Variants in MBD5 observed in about 807,000 individuals in gnomAD.
The protein encoded by MBD5 is methyl-CpG binding domain protein 5.
MBD5 carries 13 observed loss-of-function variants against 117.3 expected under a neutral mutation model. That is an observed-to-expected ratio of 0.11 (90% CI 0.07 to 0.18). The LOEUF (loss-of-function observed/expected upper bound fraction) is 0.18, where lower values mean the gene tolerates loss of function less well. Ranked by LOEUF, MBD5 falls within the 10% of genes least tolerant of loss-of-function variation. The pLI is 1.00. For synonymous variants in MBD5, 727 were observed against 766.4 expected (o/e 0.95, Z 0.85); for missense variants, 1,879 against 2,093.8 (o/e 0.90, Z 2.00).
At chr2:148,163,678 G>T (rs1044196540) in intron 1 of MBD5, among the ~76,000 whole-genome samples, 1 of 152,154 alleles carries the variant, frequency 6.6e-6, no homozygotes, top group Non-Finnish European at 1.5e-5. Flanking sequence ...GCCTCCCAAA[G>T]TGCTGGGATT....
intron 3 of MBD5, among the ~76,000 whole-genome samples, chr2:148,260,102 A>G (rs907460638): frequency 6.6e-6 from 1 of 151,886 alleles, no homozygotes; most frequent in Non-Finnish European, 1.5e-5. Context: ...ACATTGGTCG[A>G]CTCTTCCCTT....
chr2:148,405,647 A>G (rs1456485781), intron 4 of MBD5, among the ~76,000 whole-genome samples: 2 of 152,196 alleles, frequency 1.3e-5, no homozygotes, highest in African/African-American at 4.8e-5. Context: ...TGAATCTTAG[A>G]TTATGTACCT....
intron 1 of MBD5, among the ~76,000 whole-genome samples, chr2:148,064,269 C>G (rs1646477092): frequency 6.6e-6 from 1 of 151,988 alleles, no homozygotes; most frequent in African/African-American, 2.4e-5. Flanking sequence ...GTGCCCGCCA[C>G]CACGCCCGGC....
chr2:148,133,943 A>G (rs1205230043), intron 1 of MBD5, among the ~76,000 whole-genome samples: 1 of 152,216 alleles, frequency 6.6e-6, no homozygotes, highest in Non-Finnish European at 1.5e-5. Context: ...TTATTTTGAA[A>G]AGTTACTGTT....
intron 9 of MBD5, 31 bp downstream of exon 9, chr2:148,484,166 A>G: frequency 7.1e-7 from 1 of 1,410,710 alleles, no homozygotes; most frequent in Non-Finnish European, 9.3e-7. Context: ...AATTTTTTAC[A>G]AAAGAAACGT....
chr2:148,312,917 A>G (rs1702066697), intron 3 of MBD5, among the ~76,000 whole-genome samples: 3 of 152,156 alleles, frequency 2.0e-5, no homozygotes, highest in South Asian at 4.1e-4. Flanking sequence ...CCTCTGCTGC[A>G]GGTCTGCTGG....
chr2:148,459,006 T>G, intron 5 of MBD5, 135 bp downstream of exon 5: 2 of 747,888 alleles, frequency 2.7e-6, no homozygotes, highest in Non-Finnish European at 4.8e-6. Context: ...TATGAGAATT[T>G]TTATTGCCTT....
intron 1 of MBD5, among the ~76,000 whole-genome samples, chr2:148,127,299 G>C (rs1270766977): frequency 3.3e-5 from 5 of 152,116 alleles, no homozygotes; most frequent in Non-Finnish European, 5.9e-5. Flanking sequence ...ATAGGTAAAC[G>C]TGTGCCATGG....
At chr2:148,163,226 T>A (rs140262067) in intron 1 of MBD5, among the ~76,000 whole-genome samples, 1 of 152,324 alleles carries the variant, frequency 6.6e-6, no homozygotes, top group East Asian at 1.9e-4. Flanking sequence ...CCAAAGACAT[T>A]ATAGTGTAAT....
chr2:148,470,471 T>C lies in MBD5; in HGVS notation c.2518+10T>C, dbSNP rs2105643944. The stretch of plus-strand genomic sequence containing the variant: ...ACAAGTTCTGAAGCAGGTATGGTTT[T>C]ATTAGAAAAAAGTACCCAAAGGTAC... On this transcript the variant is annotated intron_variant, in intron 8 of 13. Coordinates refer to ENST00000642680, the MANE Select transcript of MBD5 (RefSeq NM_001378120.1). 2 of 1,577,818 alleles carry C rather than the reference T, an allele frequency of 1.3e-6. No homozygotes were observed. Among genetic ancestry groups the C allele is most frequent in the Non-Finnish European group, 1.7e-6 (2 of 1,164,984 alleles).
chr2:148,113,260 G>C (rs1226489604), intron 1 of MBD5, among the ~76,000 whole-genome samples: 2 of 152,114 alleles, frequency 1.3e-5, no homozygotes. Context: ...TTCATTCTAT[G>C]ATCTAGTGAT....
rs1329839574 is a variant in MBD5, at chr2:148,513,715, T to A, written c.*774T>A. On this transcript the variant is annotated 3_prime_UTR_variant, in exon 14 of 14. Coordinates refer to ENST00000642680, the MANE Select transcript of MBD5 (RefSeq NM_001378120.1). ...AGAAACTGCAACCATTTGTTGCATA[T>A]TTTTTTTACCTAAGTTTTAAAATAG... is the stretch of plus-strand genomic sequence containing the variant. 1.3e-5 allele frequency: 2 copies of A among 152,010 alleles called. No homozygotes were observed. The highest frequency in any genetic ancestry group is 2.9e-5 in the Non-Finnish European group (2 of 67,988). 9.4% of individuals were successfully genotyped at this position (152,010 alleles called of 1,614,324 possible). A position where few individuals can be genotyped will look rare whatever the true frequency, so the allele number is the denominator to read the frequency against.
intron 4 of MBD5, among the ~76,000 whole-genome samples, chr2:148,446,724 A>T (rs1160830142): frequency 6.6e-6 from 1 of 151,814 alleles, no homozygotes; most frequent in African/African-American, 2.4e-5. Context: ...AGGTTATCCA[A>T]TGGTGGCCAT....
intron 4 of MBD5, among the ~76,000 whole-genome samples, chr2:148,350,345 C>A (rs1455936556): frequency 6.6e-6 from 1 of 152,020 alleles, no homozygotes; most frequent in African/African-American, 2.4e-5. Flanking sequence ...TTAAAACCTA[C>A]AGCAACAGTC....
At chr2:148,304,278 G>C (rs1701839676) in intron 3 of MBD5, among the ~76,000 whole-genome samples, 1 of 152,148 alleles carries the variant, frequency 6.6e-6, no homozygotes. Flanking sequence ...AGAAATAGGT[G>C]AGGAAATGCA....
chr2:148,275,687 A>G (rs1701090332), intron 3 of MBD5, among the ~76,000 whole-genome samples: 1 of 152,208 alleles, frequency 6.6e-6, no homozygotes. Flanking sequence ...AGCAACATTT[A>G]GACTGGTGTT....
At chr2:148,293,936 T>G (rs1224143645) in intron 3 of MBD5, among the ~76,000 whole-genome samples, 1 of 152,350 alleles carries the variant, frequency 6.6e-6, no homozygotes, top group African/African-American at 2.4e-5. Context: ...ACAATATTGT[T>G]TTATACAATT....
chr2:148,318,543 G>A (rs1574279526), intron 3 of MBD5, among the ~76,000 whole-genome samples: 2 of 152,020 alleles, frequency 1.3e-5, no homozygotes, highest in Admixed American at 6.6e-5. Flanking sequence ...CTAGGTCAAT[G>A]TTCAGAAGAG....
rs1682318468 is a variant in MBD5, at chr2:148,515,114, T to C, written c.*2173T>C. On this transcript the variant is annotated 3_prime_UTR_variant, in exon 14 of 14. Coordinates refer to ENST00000642680, the MANE Select transcript of MBD5 (RefSeq NM_001378120.1). ...GCACCAACCTGTTTTTCTACTGTTT[T>C]TTCCTACACATTTTTGTTTATTCAC... The C allele has an allele frequency of 6.6e-6, 1 of 152,246 alleles. No homozygotes were observed. The highest frequency in any genetic ancestry group is 2.1e-4 in the South Asian group (1 of 4,832). 9.4% of individuals were successfully genotyped at this position (152,246 alleles called of 1,614,324 possible).
Sources: gnomAD v4.1 joint callset for allele counts (sites outside exome capture counted in the v4.1 genomes callset) on GRCh38, gnomAD v4.1.1 for gene constraint, MANE v1.5 for transcripts, NCBI Gene and HGNC (gene_info 2026-07-23, HGNC 2026-07-21) for gene names.